The following TBC1D31 variants were observed in gnomAD, a reference collection of about 807,000 sequenced individuals.
TBC1D31 encodes TBC1 domain family member 31, also known as WD repeat domain 67.
Under a neutral mutation model 132.9 loss-of-function variants are expected in TBC1D31, and 99 were observed. That is an observed-to-expected ratio of 0.74 (90% CI 0.63 to 0.88). The LOEUF (loss-of-function observed/expected upper bound fraction) is 0.88. TBC1D31 is among the 40% of genes least tolerant of loss of function. The pLI is 0.00. For missense variants in TBC1D31, 1,134 were observed against 1,256.6 expected (o/e 0.90, Z 1.48); for synonymous variants, 385 against 419.4 (o/e 0.92, Z 1.00).
At chr8:123,076,161 A>G (rs1814490061) in intron 1 of TBC1D31, among the ~76,000 whole-genome samples, 1 of 152,236 alleles carries the variant, frequency 6.6e-6, no homozygotes, top group South Asian at 2.1e-4. Flanking sequence ...GTGCGGTGGC[A>G]TGATCATGGC....
At position 123,140,800 on chromosome 8, in the gene TBC1D31, C is replaced by T. The variant is rs763066093; in HGVS notation, c.2539C>T (p.Arg847Ter). ...TCAAGAAGCTCTTGCAAAAGAAATG[C>T]GAGCAGATGCAGATGCCTATAGACG... Reference protein sequence around the residue: ...ENQEALAKEMRADADAYRRKV... With the variant: ...ENQEALAKEM The change falls in exon 18 of 22, where the codon CGA (arginine) becomes TGA (stop). Residue 847 changes from arginine (R) to a stop codon, truncating the protein, a stop_gained. Coordinates refer to ENST00000287380, the MANE Select transcript of TBC1D31 (RefSeq NM_145647.4). LOFTEE classifies it high-confidence loss of function. The T allele has an allele frequency of 1.2e-5, 20 of 1,609,384 alleles. No homozygotes were observed. The highest frequency in any genetic ancestry group is 9.4e-5 in the African/African-American group (7 of 74,552).
chr8:123,094,766 C>T (rs1816694351), intron 5 of TBC1D31, among the ~76,000 whole-genome samples: 1 of 152,042 alleles, frequency 6.6e-6, no homozygotes, highest in African/African-American at 2.4e-5. Context: ...GTCTCGAACT[C>T]CTGACCTCTG....
chr8:123,109,280 A>C, intron 8 of TBC1D31, 37 bp from the exon 9 acceptor site: 10 of 1,443,842 alleles, frequency 6.9e-6, no homozygotes, highest in Non-Finnish European at 9.6e-6. Context: ...AGTTTTAATG[A>C]TTGTGTCATT....
chr8:123,161,062 C>T, the TBC1D31 span, among the ~76,000 whole-genome samples: 1 of 152,156 alleles, frequency 6.6e-6, no homozygotes, highest in Non-Finnish European at 1.5e-5. Context: ...CAGGGAGGCT[C>T]CTGCAGGCCG....
At chr8:123,141,910 G>C (rs1206700005) in intron 18 of TBC1D31, among the ~76,000 whole-genome samples, 4 of 134,012 alleles carry the variant, frequency 3.0e-5, no homozygotes, top group Admixed American at 1.7e-4. Context: ...ACCCAGGCTG[G>C]AGTGCAGTGG....
At chr8:123,150,162 A>G (rs1234258276) in intron 21 of TBC1D31, 34 bp downstream of exon 21, 2 of 1,540,086 alleles carry the variant, frequency 1.3e-6, no homozygotes, top group East Asian at 4.5e-5. Flanking sequence ...TTATTCTGCC[A>G]TTTTAAATTT....
chr8:123,085,595 C>T (rs901507243), intron 4 of TBC1D31, among the ~76,000 whole-genome samples: 6 of 152,012 alleles, frequency 3.9e-5, no homozygotes, highest in South Asian at 2.1e-4. Flanking sequence ...CCACCAGGCC[C>T]GGCTAATTTT....
chr8:123,102,123 T>A (rs1004252889), intron 7 of TBC1D31: 1 of 411,084 alleles, frequency 2.4e-6, no homozygotes, highest in African/African-American at 2.1e-5. Context: ...TCTTCTCTGG[T>A]TATCTAAAAT....
intron 4 of TBC1D31, among the ~76,000 whole-genome samples, chr8:123,085,193 T>C (rs2129923793): frequency 6.6e-6 from 1 of 152,354 alleles, no homozygotes; most frequent in African/African-American, 2.4e-5. Flanking sequence ...ATTTAAAATT[T>C]ATATATAATG....
intron 10 of TBC1D31, among the ~76,000 whole-genome samples, chr8:123,112,977 G>C (rs1216716338): frequency 2.6e-5 from 4 of 152,146 alleles, no homozygotes; most frequent in Non-Finnish European, 4.4e-5. Flanking sequence ...ATTCTAGGTT[G>C]AGAGCCGTAA....
chr8:123,135,387 A>G (rs2130856973), intron 17 of TBC1D31, among the ~76,000 whole-genome samples: 1 of 152,310 alleles, frequency 6.6e-6, no homozygotes, highest in African/African-American at 2.4e-5. Flanking sequence ...CAGCCCACTT[A>G]AAAAGTCAGA....
At chr8:123,157,236 G>T in the TBC1D31 span, among the ~76,000 whole-genome samples, 2 of 152,166 alleles carry the variant, frequency 1.3e-5, no homozygotes, top group Admixed American at 6.5e-5. Context: ...ATTGTGCCCC[G>T]TGTGAGGATC....
At chr8:123,147,030 G>C (rs1822280687) in intron 20 of TBC1D31, among the ~76,000 whole-genome samples, 1 of 152,142 alleles carries the variant, frequency 6.6e-6, no homozygotes. Flanking sequence ...GTCCCAAATA[G>C]CACCAAGAGT....
chr8:123,076,448 T>C (rs117539235), intron 1 of TBC1D31, among the ~76,000 whole-genome samples: 3,825 of 152,222 alleles, frequency 0.025, 70 homozygotes, highest in Non-Finnish European at 0.039. Flanking sequence ...CAGAATAAGA[T>C]TGAAAAATAA....
chr8:123,128,537 T>G (rs749975552), intron 14 of TBC1D31, 24 bp downstream of exon 14: 1 of 1,476,264 alleles, frequency 6.8e-7, no homozygotes, highest in South Asian at 1.2e-5. Context: ...AGTTTTTCTT[T>G]TTCTGATACA....
At chr8:123,121,556 C>T (rs555020930) in intron 11 of TBC1D31, among the ~76,000 whole-genome samples, 2 of 152,072 alleles carry the variant, frequency 1.3e-5, no homozygotes, top group African/African-American at 4.8e-5. Flanking sequence ...TTAGTTCACA[C>T]GAGATCTAGT....
chr8:123,137,114 TG>T (rs1821172813), intron 17 of TBC1D31, among the ~76,000 whole-genome samples: 1 of 152,248 alleles, frequency 6.6e-6, no homozygotes, highest in African/African-American at 2.4e-5. Flanking sequence ...ATCAAATTAT[TG>T]TTCAACAAAA....
At chr8:123,084,858 C>G (rs1815556526) in intron 4 of TBC1D31, among the ~76,000 whole-genome samples, 1 of 151,912 alleles carries the variant, frequency 6.6e-6, no homozygotes, top group Admixed American at 6.6e-5. Context: ...GGCATGATCT[C>G]AACTTACTGT....
intron 2 of TBC1D31, among the ~76,000 whole-genome samples, chr8:123,079,339 T>G (rs887745128): frequency 6.6e-6 from 1 of 152,176 alleles, no homozygotes; most frequent in African/African-American, 2.4e-5. Flanking sequence ...GTAGGAGAGT[T>G]TTCTTATTAT....
Sources: allele counts gnomAD v4.1 joint callset (sites outside exome capture counted in the v4.1 genomes callset), GRCh38; gene constraint gnomAD v4.1.1; transcripts MANE v1.5; gene names NCBI Gene and HGNC (gene_info 2026-07-23, HGNC 2026-07-21).